BCLAF1: variants seen among roughly 807,000 people sequenced by gnomAD.
The protein encoded by BCLAF1 is BCL2 associated transcription factor 1, also known as bcl-2-associated transcription factor 1.
Under a neutral mutation model 99.5 loss-of-function variants are expected in BCLAF1, and 10 were observed. The ratio of observed to expected loss-of-function variants is 0.10; its 90% CI spans 0.06 to 0.17. The LOEUF (loss-of-function observed/expected upper bound fraction) is 0.17, where lower values mean the gene tolerates loss of function less well. Among genes scored for constraint, BCLAF1 ranks in the 10% least tolerant of loss-of-function variants. The pLI is 1.00. For synonymous variants in BCLAF1, 255 were observed against 370.9 expected, an observed-to-expected ratio of 0.69 and a Z score of 3.59; for missense variants, 636 against 1,105.8, an observed-to-expected ratio of 0.58 and a Z score of 6.02.
chr6:136,286,701 C>G (rs1319171990), intron 1 of BCLAF1, among the ~76,000 whole-genome samples: 2 of 152,198 alleles, frequency 1.3e-5, no homozygotes, highest in Non-Finnish European at 2.9e-5. Context: ...GGTGCGGTGG[C>G]TTACACCTGT....
chr6:136,285,572 T>C (rs1785017508), intron 1 of BCLAF1, among the ~76,000 whole-genome samples: 1 of 152,182 alleles, frequency 6.6e-6, no homozygotes, highest in Admixed American at 6.5e-5. Context: ...AATCTTCCCT[T>C]TATTACAACC....
At chr6:136,285,373 G>A (rs1784994319) in intron 1 of BCLAF1, among the ~76,000 whole-genome samples, 1 of 152,180 alleles carries the variant, frequency 6.6e-6, no homozygotes, top group Non-Finnish European at 1.5e-5. Context: ...TCAAGCATCT[G>A]GGAGGACAAG....
At chr6:136,287,313 A>G (rs1562271705) in intron 1 of BCLAF1, among the ~76,000 whole-genome samples, 1 of 152,208 alleles carries the variant, frequency 6.6e-6, no homozygotes, top group African/African-American at 2.4e-5. Context: ...CTGTCTCAAA[A>G]AAATAAATAA....
rs1780724795 is a variant in BCLAF1, at chr6:136,259,534, C to G, written c.*1576G>C. 6.6e-6 allele frequency: 1 copy of G among 152,020 alleles called. No individual in the cohort carries two copies. The highest frequency in any genetic ancestry group is 1.5e-5 in the Non-Finnish European group (1 of 67,900). 9.4% of individuals were successfully genotyped at this position (152,020 alleles called of 1,614,324 possible). On this transcript the variant is annotated 3_prime_UTR_variant, in exon 13 of 13. Coordinates refer to ENST00000531224, the MANE Select transcript of BCLAF1 (RefSeq NM_014739.3). Reference sequence around the variant, plus strand: ...ATACTTCCTTTGGCAGGTATTTCCTCTGCTTTAATAGACAATTTTAGAAAG... The same window carrying G: ...ATACTTCCTTTGGCAGGTATTTCCTGTGCTTTAATAGACAATTTTAGAAAG...
chr6:136,265,251 G>C (rs1781557911), intron 11 of BCLAF1, among the ~76,000 whole-genome samples: 1 of 149,218 alleles, frequency 6.7e-6, no homozygotes, highest in African/African-American at 2.6e-5. Context: ...TAAAATTAGA[G>C]CACTTAGATT....
At chr6:136,267,204 G>C (rs745646406) in intron 10 of BCLAF1, 29 bp from the exon 11 acceptor site, 3 of 1,605,648 alleles carry the variant, frequency 1.9e-6, no homozygotes, top group Non-Finnish European at 2.6e-6. Flanking sequence ...GTTGTTTAGT[G>C]ATGCAATCAA....
chr6:136,259,899 G>A lies in BCLAF1; in HGVS notation c.*1211C>T, dbSNP rs1379505011. 6.6e-6 allele frequency: 1 copy of A among 151,792 alleles called. No individual in the cohort carries two copies. Among genetic ancestry groups the A allele is most frequent in the Admixed American group, 6.6e-5 (1 of 15,232 alleles). The allele number at this position is 151,792 out of a possible 1,614,324, so 9.4% of individuals were successfully genotyped here. A position where few individuals can be genotyped will look rare whatever the true frequency, so the allele number is the denominator to read the frequency against. On this transcript the variant is annotated 3_prime_UTR_variant, in exon 13 of 13. Coordinates refer to ENST00000531224, the MANE Select transcript of BCLAF1 (RefSeq NM_014739.3). ...ATTTTAGATTTTCACTCCTTTAAGA[G>A]CTATCAATATAGACACAAAAGATAA...
intron 8 of BCLAF1, 93 bp downstream of exon 8, chr6:136,271,902 C>A (rs565802590): frequency 1.2e-6 from 1 of 838,586 alleles, no homozygotes; most frequent in East Asian, 2.7e-5. Context: ...TAGAAGATAT[C>A]TATAGACATT....
At chr6:136,286,739 G>A (rs535269234) in intron 1 of BCLAF1, among the ~76,000 whole-genome samples, 33 of 152,268 alleles carry the variant, frequency 2.2e-4, no homozygotes, top group African/African-American at 7.7e-4. Context: ...AGGGCGAGGC[G>A]GGCGGATCAC....
At chr6:136,275,232 A>G (rs113037940) in intron 6 of BCLAF1, among the ~76,000 whole-genome samples, 16 of 152,274 alleles carry the variant, frequency 1.1e-4, no homozygotes, top group African/African-American at 3.4e-4. Context: ...AGTACATTAC[A>G]ATGACATACT....
Position 136,287,840 on chromosome 6 carries a change from G to A in BCLAF1, c.-115+1873C>T, listed in dbSNP as rs2128494706. On this transcript the variant is annotated intron_variant, in intron 1 of 12. Transcript: ENST00000531224. ...AGGTCAGGAGTTCGAGACCAATATT[G>A]TGAAACTCCGTCTCTACTAAAAATA... Among the ~76,000 whole-genome samples the A allele has an allele frequency of 1.3e-5, 2 of 152,276 alleles. 1 individual carries two copies. Among genetic ancestry groups the A allele is most frequent in the South Asian group, 4.1e-4 (2 of 4,830 alleles).
At position 136,268,146 on chromosome 6, in the gene BCLAF1, T is replaced by C; in HGVS notation, c.2397+16A>G. ...TAAACTCCTACCAAACAATCAAAGA[T>C]AATTTTTTCACTTACAAAGGTTCCT... On this transcript the variant is annotated intron_variant, in intron 10 of 12. Coordinates refer to ENST00000531224, the MANE Select transcript of BCLAF1 (RefSeq NM_014739.3). The C allele has an allele frequency of 6.6e-7, 1 of 1,510,552 alleles. No individual in the cohort carries two copies. The highest frequency in any genetic ancestry group is 8.8e-7 in the Non-Finnish European group (1 of 1,134,596). The allele number at this position is 1,510,552 out of a possible 1,614,324, so 93.6% of individuals were successfully genotyped here.
intron 8 of BCLAF1, chr6:136,270,008 T>C (rs755609660): frequency 1.3e-5 from 2 of 155,102 alleles, no homozygotes; most frequent in African/African-American, 2.4e-5. Context: ...TTATAATCTG[T>C]AGTTGTAATG....
chr6:136,286,316 G>C (rs543092227), intron 1 of BCLAF1, among the ~76,000 whole-genome samples: 1 of 152,128 alleles, frequency 6.6e-6, no homozygotes, highest in Non-Finnish European at 1.5e-5. Context: ...TATTCCAGTA[G>C]TCTAGATTCA....
intron 1 of BCLAF1, among the ~76,000 whole-genome samples, chr6:136,284,149 T>TATAC (rs141101914): frequency 5.5e-5 from 8 of 146,664 alleles, no homozygotes; most frequent in Non-Finnish European, 3.0e-5. Context: ...TATATATATA[T>TATAC]ATATATATAT....
chr6:136,263,882 C>T (rs147193366), intron 11 of BCLAF1, among the ~76,000 whole-genome samples: 80 of 152,228 alleles, frequency 5.3e-4, no homozygotes, highest in African/African-American at 1.9e-3. Context: ...ATTACCACAC[C>T]TTTGCATAAA....
At chr6:136,272,591 T>C (rs1156454543) in intron 7 of BCLAF1, among the ~76,000 whole-genome samples, 1 of 151,938 alleles carries the variant, frequency 6.6e-6, no homozygotes, top group Non-Finnish European at 1.5e-5. Flanking sequence ...TCACTGTCAC[T>C]GCCACCCTGC....
intron 6 of BCLAF1, 82 bp from the exon 7 acceptor site, chr6:136,273,269 G>T: frequency 8.5e-7 from 1 of 1,170,956 alleles, no homozygotes; most frequent in Non-Finnish European, 1.2e-6. Flanking sequence ...GCATGTAGCA[G>T]GTGAAAAGAA....
intron 11 of BCLAF1, among the ~76,000 whole-genome samples, chr6:136,262,546 T>G (rs1390534731): frequency 6.6e-6 from 1 of 152,146 alleles, no homozygotes; most frequent in Admixed American, 6.6e-5. Context: ...TTCAATTATA[T>G]GGGTAACTAA....
Sources: allele counts gnomAD v4.1 joint callset (sites outside exome capture counted in the v4.1 genomes callset), GRCh38; gene constraint gnomAD v4.1.1; transcripts MANE v1.5; gene names NCBI Gene and HGNC (gene_info 2026-07-23, HGNC 2026-07-21).